RGS6: variants seen among roughly 807,000 people sequenced by gnomAD.
The protein encoded by RGS6 is regulator of G-protein signaling 6.
Under a neutral mutation model 78.5 loss-of-function variants are expected in RGS6, and 30 were observed. That is an observed-to-expected ratio of 0.38 (90% CI 0.29 to 0.52). The LOEUF is 0.52. RGS6 is among the 20% of genes least tolerant of loss of function. The pLI is 0.85. For missense variants in RGS6, 495 were observed against 609.7 expected (o/e 0.81, Z 1.98); for synonymous variants, 206 against 206.0 (o/e 1.00, Z 0.00).
chr14:72,099,162 G>GT (rs918161447), intron 2 of RGS6, among the ~76,000 whole-genome samples: 13 of 151,988 alleles, frequency 8.6e-5, no homozygotes, highest in African/African-American at 2.9e-4. Context: ...ATGAGCAGCA[G>GT]TTTTTTTGTT....
At chr14:72,075,817 C>A (rs144543275) in intron 2 of RGS6, among the ~76,000 whole-genome samples, 2 of 152,166 alleles carry the variant, frequency 1.3e-5, no homozygotes, top group Non-Finnish European at 2.9e-5. Flanking sequence ...GACCTCCGGA[C>A]GGCAGTGTCA....
the RGS6 span, among the ~76,000 whole-genome samples, chr14:72,579,331 A>G: frequency 7.2e-5 from 11 of 152,178 alleles, no homozygotes; most frequent in Non-Finnish European, 1.6e-4. Context: ...CACACGTACC[A>G]TCTTTAGTAA....
chr14:72,403,260 C>G (rs1461398724), intron 3 of RGS6, among the ~76,000 whole-genome samples: 3 of 152,216 alleles, frequency 2.0e-5, no homozygotes, highest in Non-Finnish European at 4.4e-5. Context: ...CAATGGAATA[C>G]TATTCAGCCA....
At chr14:71,929,173 T>C (rs1488495118), upstream of RGS6, among the ~76,000 whole-genome samples, 1 of 152,174 alleles carries the variant, frequency 6.6e-6, no homozygotes, top group African/African-American at 2.4e-5. Context: ...AAAATAACAA[T>C]GATCCATTTT....
chr14:72,409,165 T>G (rs766195397), intron 3 of RGS6, among the ~76,000 whole-genome samples: 15 of 152,178 alleles, frequency 9.9e-5, no homozygotes, highest in Non-Finnish European at 1.9e-4. Context: ...TAAGTTAGTC[T>G]TTTTGCCACT....
intron 2 of RGS6, among the ~76,000 whole-genome samples, chr14:72,276,330 C>A (rs988513426): frequency 4.6e-5 from 7 of 152,054 alleles, no homozygotes; most frequent in African/African-American, 1.7e-4. Flanking sequence ...AATGTAGCCC[C>A]CTAAGGGAGC....
chr14:72,615,237 G>A, the RGS6 span, among the ~76,000 whole-genome samples: 2 of 152,054 alleles, frequency 1.3e-5, no homozygotes, highest in African/African-American at 2.4e-5. Flanking sequence ...CACGGGCGGC[G>A]CAACACCCCC....
chr14:71,955,364 C>T lies in RGS6; in HGVS notation c.-20-9408C>T, dbSNP rs756997835. Among the ~76,000 whole-genome samples the T allele has an allele frequency of 2.6e-5, 4 of 152,062 alleles. No individual in the cohort carries two copies. The South Asian group carries it at 6.2e-4, about 24-fold the overall frequency. On this transcript the variant is annotated intron_variant, in intron 1 of 17. Transcript: ENST00000553525. ...ACAGGAAAGGGGTCCCAATCCAGAC[C>T]CCAAGAGAGGGTTCTTGGATCTCAC...
intron 2 of RGS6, among the ~76,000 whole-genome samples, chr14:72,079,733 C>G (rs1297242291): frequency 6.6e-6 from 1 of 152,164 alleles, no homozygotes; most frequent in Non-Finnish European, 1.5e-5. Flanking sequence ...TGTTTGAACT[C>G]TGTTCCTATG....
chr14:72,334,094 C>A (rs1311632853), intron 2 of RGS6, among the ~76,000 whole-genome samples: 1 of 152,230 alleles, frequency 6.6e-6, no homozygotes, highest in Non-Finnish European at 1.5e-5. Flanking sequence ...GTCTTCAATG[C>A]CTCAGGAGAA....
chr14:71,899,674 T>C, the RGS6 span, among the ~76,000 whole-genome samples: 1 of 152,178 alleles, frequency 6.6e-6, no homozygotes, highest in African/African-American at 2.4e-5. Flanking sequence ...GCTGGTAACT[T>C]GAGACTTACT....
chr14:72,330,507 A>ATAC (rs1162102719), intron 2 of RGS6, among the ~76,000 whole-genome samples: 15 of 152,190 alleles, frequency 9.9e-5, no homozygotes, highest in Non-Finnish European at 1.5e-4. Context: ...CTCTTACTGA[A>ATAC]TACCCACCTT....
intron 1 of RGS6, among the ~76,000 whole-genome samples, chr14:71,936,030 A>ATATATATGCATATATATATATATATATG (rs1555390442): frequency 7.5e-6 from 1 of 133,222 alleles, no homozygotes; most frequent in Non-Finnish European, 1.6e-5. Context: ...ATATATATAT[A>ATATATATGCATATATATATATATATATG]TATATATATA....
chr14:72,537,498 TC>T, intron 16 of RGS6: 1 of 702,378 alleles, frequency 1.4e-6, no homozygotes, highest in Non-Finnish European at 2.6e-6. Flanking sequence ...TCTCTGGGTT[TC>T]CTGCATCCCT....
At chr14:72,302,681 T>TACACAC (rs34627833) in intron 2 of RGS6, among the ~76,000 whole-genome samples, 48 of 147,850 alleles carry the variant, frequency 3.2e-4, no homozygotes, top group African/African-American at 1.1e-3. Flanking sequence ...CACATACACA[T>TACACAC]ACACACACAC....
At chr14:72,177,047 C>A (rs1468866488) in intron 2 of RGS6, among the ~76,000 whole-genome samples, 1 of 151,926 alleles carries the variant, frequency 6.6e-6, no homozygotes, top group Admixed American at 6.6e-5. Flanking sequence ...GAAATTTATC[C>A]AAGATTTTGC....
chr14:72,481,352 G>A (rs910699301), intron 12 of RGS6, among the ~76,000 whole-genome samples: 14 of 152,146 alleles, frequency 9.2e-5, no homozygotes, highest in African/African-American at 2.7e-4. Context: ...GATATATGGT[G>A]CTTAAAGGAG....
At chr14:71,917,295 T>C in the RGS6 span, among the ~76,000 whole-genome samples, 6 of 152,132 alleles carry the variant, frequency 3.9e-5, no homozygotes, top group Admixed American at 2.0e-4. Flanking sequence ...CAGACCTATG[T>C]TGGGATCGCA....
the RGS6 span, among the ~76,000 whole-genome samples, chr14:71,912,133 C>G: frequency 1.3e-5 from 2 of 152,082 alleles, no homozygotes; most frequent in African/African-American, 4.8e-5. Flanking sequence ...GAAAGAAATG[C>G]TGGTAGGTGT....
Sources: allele counts gnomAD v4.1 joint callset (sites outside exome capture counted in the v4.1 genomes callset), GRCh38; gene constraint gnomAD v4.1.1; transcripts MANE v1.5; gene names NCBI Gene and HGNC (gene_info 2026-07-23, HGNC 2026-07-21).